The following IRAK2 variants were observed in gnomAD, a reference collection of about 807,000 sequenced individuals.
The protein encoded by IRAK2 is interleukin 1 receptor associated kinase 2, also known as interleukin-1 receptor-associated kinase-like 2.
Under a neutral mutation model 72.0 loss-of-function variants are expected in IRAK2, and 57 were observed. The observed-to-expected ratio is 0.79, with a 90% confidence interval of 0.64 to 0.99. IRAK2 has a LOEUF of 0.99. Among genes scored for constraint, IRAK2 ranks in the 50% least tolerant of loss-of-function variants. IRAK2 has a pLI of 0.00. For synonymous variants in IRAK2, 293 were observed against 312.7 expected, an observed-to-expected ratio of 0.94 and a Z score of 0.67; for missense variants, 790 against 794.4, an observed-to-expected ratio of 0.99 and a Z score of 0.07.
Position 10,216,915 on chromosome 3 carries a change from C to G in IRAK2, c.789-19C>G. ...CTTTCCGTCTGACTCCTCACACCTG[C>G]ACTGACGCCCGATTCCAGATGCTGC... is the stretch of plus-strand genomic sequence containing the variant. On this transcript the variant is annotated intron_variant, in intron 6 of 12. Transcript: ENST00000256458. The G allele has an allele frequency of 6.3e-7, 1 of 1,578,424 alleles. No individual in the cohort carries two copies. Among genetic ancestry groups the G allele is most frequent in the Non-Finnish European group, 8.7e-7 (1 of 1,147,368 alleles).
chr3:10,226,385 C>A lies in IRAK2; in HGVS notation c.1224C>A (p.Val408=), dbSNP rs766891454. The A allele has an allele frequency of 5.0e-6, 8 of 1,613,432 alleles. No homozygotes were observed. Among genetic ancestry groups the A allele is most frequent in the Middle Eastern group, 1.6e-4 (1 of 6,072 alleles). The change falls in exon 10 of 13, where the codon GTC becomes GTA. Residue 408 remains valine, a synonymous_variant. Transcript: ENST00000256458. ...GTTCTCTCCAGGTGTTGGCCGAGGT[C>A]CTCACGGGCATCCCTGCAATGGATA... is the stretch of plus-strand genomic sequence containing the variant. ...IFSCGIVLAE[V]LTGIPAMDNN... is the part of the protein sequence containing the mutation.
chr3:10,198,403 G>T (rs537436117), intron 2 of IRAK2, among the ~76,000 whole-genome samples: 1 of 152,168 alleles, frequency 6.6e-6, no homozygotes, highest in Non-Finnish European at 1.5e-5. Context: ...GGATTGGGGC[G>T]TCTGCCCCTG....
At position 10,234,500 on chromosome 3, in the gene IRAK2, G is replaced by T. The variant is rs1168113597; in HGVS notation, c.1314G>T (p.Ser438=). 4 of 1,614,164 alleles carry T rather than the reference G, an allele frequency of 2.5e-6. No individual in the cohort carries two copies. The Admixed American group carries it at 6.7e-5, about 27-fold the overall frequency. The change falls in exon 11 of 13, where the codon TCG becomes TCT. Residue 438 remains serine, a synonymous_variant. Transcript: ENST00000256458. ...GTGATATTCCAAGCAGCACCGCCTC[G>T]CTCTGCTCCAGGAAGACGGGCGTGG... The part of the protein sequence containing the change: ...LLSDIPSSTA[S]LCSRKTGVEN...
At chr3:10,206,463 A>G (rs976536133) in intron 3 of IRAK2, among the ~76,000 whole-genome samples, 1 of 152,186 alleles carries the variant, frequency 6.6e-6, no homozygotes, top group Non-Finnish European at 1.5e-5. Flanking sequence ...CAGGCTCCAG[A>G]CCTTGTCTCA....
At chr3:10,196,579 G>C (rs942948823) in intron 2 of IRAK2, among the ~76,000 whole-genome samples, 1 of 152,212 alleles carries the variant, frequency 6.6e-6, no homozygotes, top group Non-Finnish European at 1.5e-5. Flanking sequence ...AATCAGGATG[G>C]GGGGGTGTGG....
At chr3:10,232,236 A>G (rs1314105083) in intron 10 of IRAK2, among the ~76,000 whole-genome samples, 2 of 152,244 alleles carry the variant, frequency 1.3e-5, no homozygotes, top group Non-Finnish European at 2.9e-5. Context: ...TGCCCTATGT[A>G]GACAGACTGT....
At chr3:10,201,600 A>G (rs1697361926) in intron 3 of IRAK2, among the ~76,000 whole-genome samples, 1 of 152,240 alleles carries the variant, frequency 6.6e-6, no homozygotes, top group Non-Finnish European at 1.5e-5. Flanking sequence ...CTTTTGGACC[A>G]CTTCAGATTT....
At chr3:10,200,808 G>A (rs2125151861) in intron 3 of IRAK2, among the ~76,000 whole-genome samples, 1 of 152,334 alleles carries the variant, frequency 6.6e-6, no homozygotes, top group South Asian at 2.1e-4. Context: ...GGCTGAGGTA[G>A]GGGGATTGCT....
intron 1 of IRAK2, among the ~76,000 whole-genome samples, chr3:10,172,606 G>A (rs1438581073): frequency 1.5e-4 from 22 of 147,856 alleles, no homozygotes; most frequent in South Asian, 6.5e-4. Flanking sequence ...TTGGGAGGCC[G>A]AGGTGGGTGG....
intron 12 of IRAK2, among the ~76,000 whole-genome samples, chr3:10,240,952 C>T (rs1698050177): frequency 6.6e-6 from 1 of 151,898 alleles, no homozygotes; most frequent in African/African-American, 2.4e-5. Flanking sequence ...TCTTTTACTC[C>T]TCCTGCCATG....
chr3:10,189,100 T>A (rs754713083), intron 2 of IRAK2, among the ~76,000 whole-genome samples: 1 of 152,218 alleles, frequency 6.6e-6, no homozygotes, highest in Non-Finnish European at 1.5e-5. Flanking sequence ...CAGATGCATG[T>A]CACCCACTGC....
rs192203744 is a variant in IRAK2, at chr3:10,188,630, G to A, written c.277+10610G>A. 9.4e-3 allele frequency among the ~76,000 whole-genome samples: 1,430 copies of A among 152,242 alleles called. 18 individuals carry two copies. The highest frequency in any genetic ancestry group is 0.031 in the African/African-American group (1,305 of 41,528). On this transcript the variant is annotated intron_variant, in intron 2 of 12. Coordinates refer to ENST00000256458, the MANE Select transcript of IRAK2 (RefSeq NM_001570.4). ...CAACCTCTGCCTCCCGGGTTCAAGCGATTCTCCTGCCTGAGCCTCCCGAGT... is the reference window on the plus strand; with the variant it reads ...CAACCTCTGCCTCCCGGGTTCAAGCAATTCTCCTGCCTGAGCCTCCCGAGT...
intron 9 of IRAK2, among the ~76,000 whole-genome samples, chr3:10,223,729 AC>A (rs1435928399): frequency 1.3e-5 from 2 of 152,176 alleles, no homozygotes; most frequent in African/African-American, 4.8e-5. Flanking sequence ...GTTCCATGGA[AC>A]CCAGTCTGGG....
chr3:10,212,409 C>A (rs1697535177), intron 4 of IRAK2, among the ~76,000 whole-genome samples: 2 of 151,988 alleles, frequency 1.3e-5, no homozygotes, highest in Admixed American at 1.3e-4. Flanking sequence ...AAATTGGACA[C>A]CCCTGGTTTG....
intron 10 of IRAK2, among the ~76,000 whole-genome samples, chr3:10,227,536 T>G (rs140192115): frequency 0.015 from 2,275 of 152,220 alleles, 33 homozygotes; most frequent in Middle Eastern, 0.044. Flanking sequence ...AATTTTTCCA[T>G]GATAGAGTCA....
chr3:10,239,046 C>A lies in IRAK2; in HGVS notation c.1765+7C>A. The A allele has an allele frequency of 1.3e-6, 2 of 1,576,060 alleles. No individual in the cohort carries two copies. The highest frequency in any genetic ancestry group is 1.7e-6 in the Non-Finnish European group (2 of 1,162,364). ...CTGGAGCCTCCCCAGGATGGTAAGCCGGAAGTCAGAGTGCATTTGGATGCT... is the reference window on the plus strand; with the variant it reads ...CTGGAGCCTCCCCAGGATGGTAAGCAGGAAGTCAGAGTGCATTTGGATGCT... On this transcript the variant is annotated splice_region_variant and intron_variant, in intron 12 of 12. Transcript: ENST00000256458.
chr3:10,230,335 C>G (rs1377978214), intron 10 of IRAK2, among the ~76,000 whole-genome samples: 1 of 151,456 alleles, frequency 6.6e-6, no homozygotes, highest in Non-Finnish European at 1.5e-5. Flanking sequence ...GAGATAGGGT[C>G]TCCTATCTCC....
chr3:10,198,650 T>C (rs147475504), intron 2 of IRAK2, among the ~76,000 whole-genome samples: 1 of 152,324 alleles, frequency 6.6e-6, no homozygotes, highest in East Asian at 1.9e-4. Context: ...CATACCAGTG[T>C]GGTGCTATGC....
chr3:10,206,303 G>T (rs1186604954), intron 3 of IRAK2, among the ~76,000 whole-genome samples: 1 of 152,184 alleles, frequency 6.6e-6, no homozygotes, highest in Non-Finnish European at 1.5e-5. Flanking sequence ...GGATGCAGAT[G>T]CAGGGATTGA....
Sources: gnomAD v4.1 joint callset for allele counts (sites outside exome capture counted in the v4.1 genomes callset) on GRCh38, gnomAD v4.1.1 for gene constraint, MANE v1.5 for transcripts, NCBI Gene and HGNC (gene_info 2026-07-23, HGNC 2026-07-21) for gene names.